GALNTL6: variants seen among roughly 807,000 people sequenced by gnomAD.
The protein encoded by GALNTL6 is polypeptide N-acetylgalactosaminyltransferase like 6.
Under a neutral mutation model 73.7 loss-of-function variants are expected in GALNTL6, and 46 were observed. The observed-to-expected ratio is 0.62, with a 90% confidence interval of 0.49 to 0.80. The LOEUF is 0.80. Among genes scored for constraint, GALNTL6 ranks in the 30% least tolerant of loss-of-function variants. The pLI is 0.00. For missense variants in GALNTL6, 604 were observed against 755.0 expected (o/e 0.80, Z 2.34); for synonymous variants, 259 against 263.7 (o/e 0.98, Z 0.17).
intron 4 of GALNTL6, among the ~76,000 whole-genome samples, chr4:172,317,965 T>C (rs1393010494): frequency 1.3e-5 from 2 of 151,728 alleles, no homozygotes; most frequent in Admixed American, 6.6e-5. Context: ...GAGACAGAGA[T>C]GGGAAATGTA....
intron 2 of GALNTL6, among the ~76,000 whole-genome samples, chr4:172,133,956 C>T (rs1444460828): frequency 1.3e-5 from 2 of 152,046 alleles, no homozygotes; most frequent in Non-Finnish European, 1.5e-5. Flanking sequence ...AGAAGGTAGT[C>T]ACATATTGAG....
chr4:172,674,861 G>A (rs2111215031), intron 5 of GALNTL6, among the ~76,000 whole-genome samples: 1 of 152,250 alleles, frequency 6.6e-6, no homozygotes, highest in African/African-American at 2.4e-5. Context: ...TATCTTGTCT[G>A]TCATCTCCTG....
At chr4:171,878,545 T>G (rs1323119873) in intron 2 of GALNTL6, among the ~76,000 whole-genome samples, 1 of 152,180 alleles carries the variant, frequency 6.6e-6, no homozygotes. Flanking sequence ...GTGTCAATAA[T>G]ACGTATACAT....
intron 7 of GALNTL6, among the ~76,000 whole-genome samples, chr4:172,819,811 T>C (rs1259308644): frequency 1.3e-5 from 2 of 152,170 alleles, no homozygotes; most frequent in Non-Finnish European, 2.9e-5. Context: ...ATTCCCACGA[T>C]TCCATGGAGA....
intron 3 of GALNTL6, among the ~76,000 whole-genome samples, chr4:172,301,022 G>C (rs1419017942): frequency 6.6e-6 from 1 of 152,040 alleles, no homozygotes; most frequent in Non-Finnish European, 1.5e-5. Context: ...CGTAGATTTG[G>C]TCTTTTCACA....
In GALNTL6 at chr4:172,558,134, G is replaced by T. The variant is rs187747467; in HGVS notation, c.553+209445G>T. 1.1e-3 allele frequency among the ~76,000 whole-genome samples: 168 copies of T among 152,246 alleles called. 1 individual carries two copies. Among genetic ancestry groups the T allele is most frequent in the African/African-American group, 3.7e-3 (155 of 41,558 alleles). On this transcript the variant is annotated intron_variant, in intron 5 of 12. Coordinates refer to ENST00000506823, the MANE Select transcript of GALNTL6 (RefSeq NM_001034845.3). ...TGTAGATATTATGATATGCAAAAAT[G>T]CATTTATGTGAAGGTCCAGAACAGG...
In GALNTL6 at chr4:172,882,702, A is replaced by G. The variant is rs547857296; in HGVS notation, c.924-88A>G. On this transcript the variant is annotated intron_variant, in intron 7 of 12. Transcript: ENST00000506823. ...GTTCCACACAGCTGACCACTAAAAC[A>G]TATCTTGAATTTTACTTTTTTCCCA... 2.5e-5 allele frequency: 22 copies of G among 886,960 alleles called. No individual in the cohort carries two copies. The East Asian group carries it at 5.0e-4, about 20-fold the overall frequency. The allele number at this position is 886,960 out of a possible 1,614,324, so 54.9% of individuals were successfully genotyped here. A position where few individuals can be genotyped will look rare whatever the true frequency, so the allele number is the denominator to read the frequency against.
intron 10 of GALNTL6, among the ~76,000 whole-genome samples, chr4:173,008,568 A>G (rs1752397636): frequency 6.6e-6 from 1 of 152,224 alleles, no homozygotes; most frequent in Admixed American, 6.5e-5. Context: ...GGGCCGCTAA[A>G]TGAGGAGACG....
chr4:172,548,952 T>G lies in GALNTL6; in HGVS notation c.553+200263T>G, dbSNP rs1735867044. ...GTTTCTCTATTATTTCAATCACTAT[T>G]TAAGTAGATACTGAAGTACTAGGTA... On this transcript the variant is annotated intron_variant, in intron 5 of 12. Coordinates refer to ENST00000506823, the MANE Select transcript of GALNTL6 (RefSeq NM_001034845.3). 2.0e-5 allele frequency among the ~76,000 whole-genome samples: 3 copies of G among 152,244 alleles called. No homozygotes were observed. In the South Asian group the frequency reaches 6.2e-4, roughly 32 times the overall value.
chr4:172,373,166 C>A (rs1742887212), intron 5 of GALNTL6, among the ~76,000 whole-genome samples: 1 of 152,318 alleles, frequency 6.6e-6, no homozygotes, highest in East Asian at 1.9e-4. Context: ...TGAGGGCTAT[C>A]CCTAAACCCT....
chr4:172,222,562 G>A (rs1579272336), intron 2 of GALNTL6, among the ~76,000 whole-genome samples: 1 of 124,252 alleles, frequency 8.0e-6, no homozygotes, highest in Non-Finnish European at 1.8e-5. Context: ...AAATAAAATC[G>A]AAGCATTATC....
chr4:172,140,747 TAAG>T (rs1733779017), intron 2 of GALNTL6, among the ~76,000 whole-genome samples: 1 of 152,042 alleles, frequency 6.6e-6, no homozygotes, highest in Non-Finnish European at 1.5e-5. Context: ...ATTTAATACA[TAAG>T]AAGAAGAAAT....
chr4:172,658,917 T>TA (rs946632644), intron 5 of GALNTL6, among the ~76,000 whole-genome samples: 8 of 152,116 alleles, frequency 5.3e-5, no homozygotes, highest in African/African-American at 1.7e-4. Context: ...TTCTTCACCT[T>TA]AAAAAAAATC....
Position 172,135,432 on chromosome 4 carries a change from A to G in GALNTL6, c.139-94224A>G, listed in dbSNP as rs187593386. The stretch of plus-strand genomic sequence containing the variant: ...AAGAGAGAGAGAGAGAGAGAGAAAG[A>G]GAGAGAGTTGCCACATAACCTTTGC... On this transcript the variant is annotated intron_variant, in intron 2 of 12. Coordinates refer to ENST00000506823, the MANE Select transcript of GALNTL6 (RefSeq NM_001034845.3). Among the ~76,000 whole-genome samples the G allele has an allele frequency of 5.9e-5, 9 of 152,114 alleles. No homozygotes were observed. The East Asian group carries it at 1.7e-3, about 29-fold the overall frequency.
rs149323126 is a variant in GALNTL6, at chr4:172,931,119, T to C, written c.1042-42T>C. 423 of 1,055,084 alleles carry C rather than the reference T, an allele frequency of 4.0e-4. No individual in the cohort carries two copies. The East Asian group carries it at 5.0e-3, about 12-fold the overall frequency. 65.4% of individuals were successfully genotyped at this position (1,055,084 alleles called of 1,614,324 possible). A position where few individuals can be genotyped will look rare whatever the true frequency, so the allele number is the denominator to read the frequency against. Reference sequence around the variant, plus strand: ...TCCTACTGATTATTCCTTTCTTGTGTGAAATTCACTGTTGTCTTTTGTTCT... The same window carrying C: ...TCCTACTGATTATTCCTTTCTTGTGCGAAATTCACTGTTGTCTTTTGTTCT... On this transcript the variant is annotated intron_variant, in intron 8 of 12. Transcript: ENST00000506823.
chr4:172,175,321 C>T (rs912406138), intron 2 of GALNTL6, among the ~76,000 whole-genome samples: 2 of 152,106 alleles, frequency 1.3e-5, no homozygotes, highest in African/African-American at 4.8e-5. Flanking sequence ...CCACCTTGGC[C>T]TCCCAAAATG....
intron 5 of GALNTL6, among the ~76,000 whole-genome samples, chr4:172,777,381 A>G (rs1351869385): frequency 6.6e-6 from 1 of 152,158 alleles, no homozygotes; most frequent in African/African-American, 2.4e-5. Context: ...TCTTACAAAC[A>G]TGGCCACTGT....
chr4:172,166,423 G>A (rs1373870805), intron 2 of GALNTL6, among the ~76,000 whole-genome samples: 2 of 151,814 alleles, frequency 1.3e-5, no homozygotes, highest in African/African-American at 4.8e-5. Context: ...TCCAGCCTGG[G>A]TGACAGAGCA....
intron 5 of GALNTL6, among the ~76,000 whole-genome samples, chr4:172,395,042 T>C (rs1454793691): frequency 1.3e-5 from 2 of 152,206 alleles, no homozygotes; most frequent in Non-Finnish European, 2.9e-5. Context: ...GTTATCAGGA[T>C]TATTGATACT....
Sources: allele counts gnomAD v4.1 joint callset (sites outside exome capture counted in the v4.1 genomes callset), GRCh38; gene constraint gnomAD v4.1.1; transcripts MANE v1.5; gene names NCBI Gene and HGNC (gene_info 2026-07-23, HGNC 2026-07-21).